The following COL11A1 variants were observed in gnomAD, a reference collection of about 807,000 sequenced individuals.
COL11A1 encodes the protein collagen type XI alpha 1 chain, also known as collagen alpha-1(XI) chain.
A neutral mutation model predicts 265.2 loss-of-function variants in COL11A1; 74 were observed. The observed-to-expected ratio is 0.28, with a 90% confidence interval of 0.23 to 0.34. The LOEUF (loss-of-function observed/expected upper bound fraction) is 0.34, where lower values mean the gene tolerates loss of function less well. Among genes scored for constraint, COL11A1 ranks in the 10% least tolerant of loss-of-function variants. The pLI is 1.00. For synonymous variants in COL11A1, 816 were observed against 727.6 expected, an observed-to-expected ratio of 1.12 and a Z score of -1.96; for missense variants, 2,165 against 2,263.6, an observed-to-expected ratio of 0.96 and a Z score of 0.88.
chr1:103,059,934 A>G (rs1199318399), intron 4 of COL11A1, among the ~76,000 whole-genome samples: 1 of 152,096 alleles, frequency 6.6e-6, no homozygotes, highest in Non-Finnish European at 1.5e-5. Context: ...GAAAGAGAGA[A>G]AAGAATAGAA....
At chr1:103,026,609 G>A (rs1246845902) in intron 5 of COL11A1, among the ~76,000 whole-genome samples, 1 of 150,280 alleles carries the variant, frequency 6.7e-6, no homozygotes, top group Non-Finnish European at 1.5e-5. Flanking sequence ...CTTAATTATG[G>A]AATGTTAATT....
rs548969304 is a variant in COL11A1 at position 103,007,852 on chromosome 1, G to A, written c.1683+611C>T. On this transcript the variant is annotated intron_variant, in intron 15 of 66. Transcript: ENST00000370096. ...ACTCCAGCCTGGGCAACAGAGCAGA[G>A]TGAGACTCTGTCTCAAAAAAAAAAA... is the stretch of plus-strand genomic sequence containing the variant. 2.7e-3 allele frequency among the ~76,000 whole-genome samples: 333 copies of A among 125,260 alleles called. 4 individuals carry two copies. The highest frequency in any genetic ancestry group is 6.7e-4 in the Non-Finnish European group (41 of 61,642). The allele number at this position is 125,260 out of a possible 152,430, so 82.2% of individuals were successfully genotyped here. A position where few individuals can be genotyped will look rare whatever the true frequency, so the allele number is the denominator to read the frequency against.
intron 4 of COL11A1, among the ~76,000 whole-genome samples, chr1:103,043,457 G>T (rs1437662547): frequency 6.6e-6 from 1 of 151,930 alleles, no homozygotes; most frequent in South Asian, 2.1e-4. Context: ...CATGAGAGCA[G>T]GGACTTTTCA....
rs555761483 is a variant in COL11A1 at position 102,915,065 on chromosome 1, C to T, written c.3817-254G>A. On this transcript the variant is annotated intron_variant, in intron 50 of 66. Coordinates refer to ENST00000370096, the MANE Select transcript of COL11A1 (RefSeq NM_001854.4). ...GACTACAGGCACGCGCCACCAGGCCCGGCTAATTTTTGTACTTTTTAGTAG... is the reference window on the plus strand; with the variant it reads ...GACTACAGGCACGCGCCACCAGGCCTGGCTAATTTTTGTACTTTTTAGTAG... 7.9e-4 allele frequency among the ~76,000 whole-genome samples: 120 copies of T among 152,094 alleles called. 5 individuals carry two copies. The South Asian group carries it at 0.017, about 22-fold the overall frequency.
At chr1:102,931,390 T>C (rs1421832622) in intron 46 of COL11A1, among the ~76,000 whole-genome samples, 3 of 148,932 alleles carry the variant, frequency 2.0e-5, no homozygotes, top group Non-Finnish European at 4.5e-5. Flanking sequence ...AGTTTCCATG[T>C]AGTTGAGCGG....
At chr1:102,900,042 A>G (rs1652991081) in intron 54 of COL11A1, among the ~76,000 whole-genome samples, 1 of 152,142 alleles carries the variant, frequency 6.6e-6, no homozygotes, top group South Asian at 2.1e-4. Context: ...CGTGTACCCC[A>G]TGAATTTATA....
Position 102,979,076 on chromosome 1 carries a change from C to A in COL11A1, c.2639G>T (p.Gly880Val), listed in dbSNP as rs1011558820. 2 of 1,614,116 alleles carry A rather than the reference C, an allele frequency of 1.2e-6. No homozygotes were observed. Among genetic ancestry groups the A allele is most frequent in the Non-Finnish European group, 1.7e-6 (2 of 1,180,002 alleles). ...GGCACCTACCGTTGGACCACGCTGA[C>A]CCCGAGGGCCTGGTTTGCCAGCTAC... is the stretch of plus-strand genomic sequence containing the variant. ...RGVAGKPGPRGQRGPTGPRGS... is the reference protein window; with the variant it reads ...RGVAGKPGPRVQRGPTGPRGS... The change falls in exon 33 of 67, where the codon GGT becomes GTT. Residue 880 changes from glycine to valine, a missense_variant. By Grantham distance (109) the Gly-to-Val change is moderately radical. Coordinates refer to ENST00000370096, the MANE Select transcript of COL11A1 (RefSeq NM_001854.4).
intron 1 of COL11A1, among the ~76,000 whole-genome samples, chr1:103,087,546 T>A (rs576179046): frequency 6.6e-6 from 1 of 152,200 alleles, no homozygotes; most frequent in Non-Finnish European, 1.5e-5. Flanking sequence ...ATGTACAGTC[T>A]TAGCTCTCAT....
intron 5 of COL11A1, among the ~76,000 whole-genome samples, chr1:103,027,646 G>A (rs1384758193): frequency 6.6e-6 from 1 of 151,688 alleles, no homozygotes; most frequent in Admixed American, 6.6e-5. Context: ...TCCAGCAAAA[G>A]AACTGTTGAC....
intron 4 of COL11A1, among the ~76,000 whole-genome samples, chr1:103,055,016 A>C (rs888735521): frequency 4.6e-5 from 7 of 152,220 alleles, no homozygotes; most frequent in Non-Finnish European, 7.3e-5. Context: ...TATAGGATGC[A>C]TAGCACTGTT....
At chr1:102,955,105 G>GT in intron 41 of COL11A1, among the ~76,000 whole-genome samples, 1 of 152,148 alleles carries the variant, frequency 6.6e-6, no homozygotes, top group Non-Finnish European at 1.5e-5. Flanking sequence ...GTCTACCTGG[G>GT]TCACAATGGA....
chr1:103,006,620 C>A (rs1280843406), intron 15 of COL11A1, among the ~76,000 whole-genome samples: 1 of 137,848 alleles, frequency 7.3e-6, no homozygotes, highest in East Asian at 2.4e-4. Context: ...TCACTGCAAG[C>A]TCTGCCTCCC....
chr1:102,934,279 G>A (rs962558772), intron 46 of COL11A1, among the ~76,000 whole-genome samples, 170 bp downstream of exon 46: 6 of 152,168 alleles, frequency 3.9e-5, no homozygotes, highest in African/African-American at 1.4e-4. Context: ...ATGATAAAAT[G>A]ATTTCAAGTT....
intron 50 of COL11A1, 26 bp downstream of exon 50, chr1:102,915,604 CT>C (rs756574258): frequency 4.4e-5 from 71 of 1,599,372 alleles, no homozygotes; most frequent in Non-Finnish European, 5.9e-5. Context: ...CAATAATACA[CT>C]ATGTTAACAA....
chr1:103,043,186 G>GAATACCTGAAATACATCA, intron 4 of COL11A1, among the ~76,000 whole-genome samples: 1 of 123,290 alleles, frequency 8.1e-6, no homozygotes, highest in African/African-American at 3.1e-5. Context: ...TATATATAAT[G>GAATACCTGAAATACATCA]TATATATGAA....
At chr1:102,956,088 C>T (rs1029735579) in intron 41 of COL11A1, among the ~76,000 whole-genome samples, 5 of 152,132 alleles carry the variant, frequency 3.3e-5, no homozygotes, top group African/African-American at 4.8e-5. Context: ...TACAATAACT[C>T]CCAGGACCAA....
rs376704595 is a variant in COL11A1 at position 102,939,912 on chromosome 1, T to C, written c.3384+415A>G. Among the ~76,000 whole-genome samples the C allele has an allele frequency of 2.6e-5, 4 of 152,248 alleles. No individual in the cohort carries two copies. The East Asian group carries it at 7.7e-4, about 29-fold the overall frequency. ...TAGGAGCTTAGAGTCTGTACTCACA[T>C]GTTGGTAAATGATAACAGGATTATG... On this transcript the variant is annotated intron_variant, in intron 43 of 66. Transcript: ENST00000370096.
chr1:103,095,644 C>T (rs1415845414), intron 1 of COL11A1, among the ~76,000 whole-genome samples: 1 of 151,954 alleles, frequency 6.6e-6, no homozygotes, highest in East Asian at 1.9e-4. Context: ...AAAAAATTAT[C>T]CCCCATACCC....
chr1:102,903,948 G>A (rs894582187), intron 54 of COL11A1, among the ~76,000 whole-genome samples: 2 of 151,962 alleles, frequency 1.3e-5, no homozygotes, highest in African/African-American at 4.8e-5. Flanking sequence ...CTGCAGCCTC[G>A]AACTCCTGGG....
Sources: allele counts gnomAD v4.1 joint callset (sites outside exome capture counted in the v4.1 genomes callset), GRCh38; gene constraint gnomAD v4.1.1; transcripts MANE v1.5; gene names NCBI Gene and HGNC (gene_info 2026-07-23, HGNC 2026-07-21).